Variants in SLC6A18 observed in about 807,000 individuals in gnomAD.
SLC6A18 encodes the protein solute carrier family 6 member 18.
A neutral mutation model predicts 62.9 loss-of-function variants in SLC6A18; 58 were observed. The ratio of observed to expected loss-of-function variants is 0.92; its 90% CI spans 0.75 to 1.15. The LOEUF (loss-of-function observed/expected upper bound fraction) is 1.15. Ranked by LOEUF, SLC6A18 falls within the 50% of genes most tolerant of loss-of-function variation. The pLI, the probability that SLC6A18 is intolerant of heterozygous loss-of-function variation, is 0.00. For missense variants in SLC6A18, 793 were observed against 836.6 expected (o/e 0.95, Z 0.64); for synonymous variants, 382 against 365.8 (o/e 1.04, Z -0.51).
At chr5:1,244,138 C>A (rs1747145479) in intron 9 of SLC6A18, 76 bp from the exon 10 acceptor site, 3 of 1,318,486 alleles carry the variant, frequency 2.3e-6, no homozygotes, top group Admixed American at 4.0e-5. Flanking sequence ...GTCTGCCTGG[C>A]TGGCTTCCTC....
At chr5:1,230,057 G>A (rs1448429643) in intron 1 of SLC6A18, among the ~76,000 whole-genome samples, 1 of 150,154 alleles carries the variant, frequency 6.7e-6, no homozygotes, top group African/African-American at 2.5e-5. Flanking sequence ...GTGGGGGAGG[G>A]AAAAGGGGCT....
At position 1,240,601 on chromosome 5, in the gene SLC6A18, G is replaced by A. The variant is rs747992391; in HGVS notation, c.916G>A (p.Ala306Thr). The change falls in exon 7 of 12, where the codon GCT (alanine) becomes ACT (threonine). Residue 306 changes from alanine (A) to threonine (T), a missense_variant. Ala to Thr is a moderately conservative substitution (Grantham distance 58, BLOSUM62 0). Transcript: ENST00000324642. ...GATGACCTCCCTGTACGCGTCCATC[G>A]CTGTCTTCTCTGTCCTGGGGTTCAA... Reference protein sequence around the residue: ...NRMTSLYASIAVFSVLGFKAT... With the variant: ...NRMTSLYASITVFSVLGFKAT... 1.5e-5 allele frequency: 24 copies of A among 1,614,140 alleles called. No homozygotes were observed. The highest frequency in any genetic ancestry group is 8.9e-5 in the East Asian group (4 of 44,878).
chr5:1,239,622 C>A lies in SLC6A18; in HGVS notation c.845+60C>A, dbSNP rs1747001501. The stretch of plus-strand genomic sequence containing the variant: ...GCTTTGGGGAGACGCCCGAGCACTT[C>A]CTGATCTCAGGATCACACTGTGGAT... On this transcript the variant is annotated intron_variant, in intron 6 of 11. Coordinates refer to ENST00000324642, the MANE Select transcript of SLC6A18 (RefSeq NM_182632.3). The A allele has an allele frequency of 4.2e-5, 54 of 1,297,452 alleles. No homozygotes were observed. In the South Asian group the frequency reaches 6.5e-4, roughly 16 times the overall value. The allele number at this position is 1,297,452 out of a possible 1,614,324, so 80.4% of individuals were successfully genotyped here. A position where few individuals can be genotyped will look rare whatever the true frequency, so the allele number is the denominator to read the frequency against.
rs201972937 is a variant in SLC6A18, at chr5:1,225,557, A to C, written c.80A>C (p.Tyr27Ser). ...CCCAAGTGGGACAACAAGGCCCAGTACCTCCTGAGCTGCACTGGGTTTGCC... is the reference window on the plus strand; with the variant it reads ...CCCAAGTGGGACAACAAGGCCCAGTCCCTCCTGAGCTGCACTGGGTTTGCC... ...ERPKWDNKAQ[Y>S]LLSCTGFAVG... The change falls in exon 1 of 12, where the codon TAC (tyrosine) becomes TCC (serine). Residue 27 changes from tyrosine (Y) to serine (S), a missense_variant. By Grantham distance (144) the Tyr-to-Ser change is moderately radical (BLOSUM62 -2). Transcript: ENST00000324642. 49 of 1,612,996 alleles carry C rather than the reference A, an allele frequency of 3.0e-5. No individual in the cohort carries two copies. The highest frequency in any genetic ancestry group is 2.5e-6 in the Non-Finnish European group (3 of 1,179,264).
At chr5:1,239,808 CAT>C (rs1442756166) in intron 6 of SLC6A18, among the ~76,000 whole-genome samples, 1 of 152,222 alleles carries the variant, frequency 6.6e-6, no homozygotes, top group African/African-American at 2.4e-5. Context: ...TCAAAATGCA[CAT>C]GACACGTGGG....
intron 6 of SLC6A18, among the ~76,000 whole-genome samples, chr5:1,240,251 C>T (rs964279594): frequency 1.3e-5 from 2 of 152,266 alleles, no homozygotes; most frequent in African/African-American, 4.8e-5. Context: ...TCTATGAATG[C>T]CCTGCCTCTC....
At position 1,225,566 on chromosome 5, in the gene SLC6A18, G is replaced by C; in HGVS notation, c.89G>C (p.Ser30Thr). 1 of 1,612,402 alleles carries C rather than the reference G, an allele frequency of 6.2e-7. No homozygotes were observed. Among genetic ancestry groups the C allele is most frequent in the Non-Finnish European group, 8.5e-7 (1 of 1,178,946 alleles). The part of the protein sequence containing the change: ...KWDNKAQYLL[S>T]CTGFAVGLGN... Reference sequence around the variant, plus strand: ...GACAACAAGGCCCAGTACCTCCTGAGCTGCACTGGGTTTGCCGTGGGACTG... The same window carrying C: ...GACAACAAGGCCCAGTACCTCCTGACCTGCACTGGGTTTGCCGTGGGACTG... The change falls in exon 1 of 12, where the codon AGC becomes ACC. Residue 30 changes from serine (S) to threonine (T), a missense_variant. Physicochemically the swap from Ser to Thr is moderately conservative, Grantham distance 58. Transcript: ENST00000324642.
intron 4 of SLC6A18, 127 bp downstream of exon 4, chr5:1,235,789 G>A (rs374542488): frequency 1.1e-4 from 101 of 894,380 alleles, no homozygotes; most frequent in African/African-American, 1.1e-3. Flanking sequence ...GGATTGCAAC[G>A]TCTTCTTAGG....
intron 3 of SLC6A18, 110 bp from the exon 4 acceptor site, chr5:1,235,371 C>T (rs1746855499): frequency 9.2e-7 from 1 of 1,088,470 alleles, no homozygotes; most frequent in Non-Finnish European, 1.3e-6. Flanking sequence ...AAGGGCACCT[C>T]AGCCCAAAAG....
chr5:1,232,170 C>A, intron 1 of SLC6A18, 49 bp from the exon 2 acceptor site: 1 of 1,568,050 alleles, frequency 6.4e-7, no homozygotes, highest in South Asian at 1.2e-5. Flanking sequence ...CGCCACAGTC[C>A]CCCCCAGCCC....
At chr5:1,232,388 T>G in intron 2 of SLC6A18, 29 bp downstream of exon 2, 1 of 1,593,480 alleles carries the variant, frequency 6.3e-7, no homozygotes, top group South Asian at 1.1e-5. Context: ...TTGCCCTGAC[T>G]GAGGCTGCCA....
In SLC6A18 at chr5:1,230,919, G is replaced by A. The variant is rs1355580871; in HGVS notation, c.161-1300G>A. 5.9e-5 allele frequency among the ~76,000 whole-genome samples: 9 copies of A among 152,248 alleles called. 1 individual carries two copies. Among genetic ancestry groups the A allele is most frequent in the Middle Eastern group, 6.8e-3 (2 of 294 alleles). On this transcript the variant is annotated intron_variant, in intron 1 of 11. Transcript: ENST00000324642. The stretch of plus-strand genomic sequence containing the variant: ...CGAACTCGTGCACAGACGGTGACTC[G>A]CTTGGGGAACAGTGCAGCTGCCAAC...
At chr5:1,235,412 A>G (rs1746856289) in intron 3 of SLC6A18, 69 bp from the exon 4 acceptor site, 2 of 1,510,380 alleles carry the variant, frequency 1.3e-6, no homozygotes, top group Admixed American at 3.9e-5. Flanking sequence ...AGGGAAATTG[A>G]GCTCAAGAGC....
At chr5:1,244,176 A>ACCCCC in intron 9 of SLC6A18, 38 bp from the exon 10 acceptor site, 1 of 297,850 alleles carries the variant, frequency 3.4e-6, no homozygotes, top group Non-Finnish European at 5.9e-6. Flanking sequence ...TCCACTCCCC[A>ACCCCC]TCCCCTTACC....
At chr5:1,245,701 G>GC in intron 11 of SLC6A18, 147 bp from the exon 12 acceptor site, 1 of 871,568 alleles carries the variant, frequency 1.1e-6, no homozygotes. Context: ...CGGCCACACG[G>GC]CCTGGCCACT....
rs1407888956 is a variant in SLC6A18 at position 1,232,763 on chromosome 5, T to C, written c.314T>C (p.Val105Ala). Reference protein sequence around the residue: ...PYLSGVGLGCVTLSFLISLYY... With the variant: ...PYLSGVGLGCATLSFLISLYY... Reference sequence around the variant, plus strand: ...TCCCTGTCCACAGGGCTGGGCTGTGTCACGCTGTCCTTCCTGATCAGCCTG... The same window carrying C: ...TCCCTGTCCACAGGGCTGGGCTGTGCCACGCTGTCCTTCCTGATCAGCCTG... Residue 105 changes from valine (V) to alanine (A), a missense_variant, in exon 3 of 12, where the codon GTC becomes GCC. Physicochemically the swap from Val to Ala is moderately conservative, Grantham distance 64. Transcript: ENST00000324642. The C allele has an allele frequency of 1.2e-6, 2 of 1,612,970 alleles. No individual in the cohort carries two copies. The highest frequency in any genetic ancestry group is 1.3e-5 in the African/African-American group (1 of 74,938).
chr5:1,241,017 T>C lies in SLC6A18; in HGVS notation c.974+358T>C, dbSNP rs113694523. On this transcript the variant is annotated intron_variant, in intron 7 of 11. Coordinates refer to ENST00000324642, the MANE Select transcript of SLC6A18 (RefSeq NM_182632.3). The surrounding 1 kb of genome is among the most constrained non-coding windows in gnomAD (Gnocchi z 7.8). ...GCCACAGCCCAGGGATGCCTGAAGGTGCAGAAGCTGGAAGAGGCGGGAGGA... is the reference window on the plus strand; with the variant it reads ...GCCACAGCCCAGGGATGCCTGAAGGCGCAGAAGCTGGAAGAGGCGGGAGGA... Among the ~76,000 whole-genome samples the C allele has an allele frequency of 6.5e-3, 993 of 152,162 alleles. 8 individuals carry two copies. Among genetic ancestry groups the C allele is most frequent in the African/African-American group, 0.023 (953 of 41,498 alleles).
chr5:1,245,795 AG>A, intron 11 of SLC6A18, 52 bp from the exon 12 acceptor site: 6 of 1,534,140 alleles, frequency 3.9e-6, no homozygotes, highest in Non-Finnish European at 5.3e-6. Context: ...CACGGGGGTC[AG>A]CCTCACGGCC....
At position 1,244,588 on chromosome 5, in the gene SLC6A18, G is replaced by A. The variant is rs779402872; in HGVS notation, c.1497-20G>A. On this transcript the variant is annotated intron_variant, in intron 10 of 11. Transcript: ENST00000324642. ...ACCTTCCACAGACCATGTGAAGCCT[G>A]AGCCCAGCATCTGGTGCAGGTTCTG... 3 of 1,578,914 alleles carry A rather than the reference G, an allele frequency of 1.9e-6. No individual in the cohort carries two copies. The highest frequency in any genetic ancestry group is 2.3e-5 in the East Asian group (1 of 44,286).
Sources: allele counts gnomAD v4.1 joint callset (sites outside exome capture counted in the v4.1 genomes callset), GRCh38; gene constraint gnomAD v4.1.1; non-coding constraint Gnocchi (gnomAD v3.1); transcripts MANE v1.5; gene names NCBI Gene and HGNC (gene_info 2026-07-23, HGNC 2026-07-21).